Variants in INTS8 observed in about 807,000 individuals in gnomAD.
INTS8 encodes integrator complex subunit 8, also known as protein kaonashi-1.
INTS8 carries 47 observed loss-of-function variants against 138.9 expected under a neutral mutation model. The ratio of observed to expected loss-of-function variants is 0.34; its 90% CI spans 0.27 to 0.43. INTS8 has a LOEUF of 0.43. Among genes scored for constraint, INTS8 ranks in the 20% least tolerant of loss-of-function variants. The probability of loss-of-function intolerance (pLI) is 1.00; values close to 1 mark genes in which losing one functional copy is unlikely to be tolerated. For missense variants in INTS8, 996 were observed against 1,173.0 expected, an observed-to-expected ratio of 0.85 and a Z score of 2.20; for synonymous variants, 392 against 400.9, an observed-to-expected ratio of 0.98 and a Z score of 0.27.
chr8:94,835,760 T>C (rs1586475959), intron 6 of INTS8, among the ~76,000 whole-genome samples: 1 of 152,202 alleles, frequency 6.6e-6, no homozygotes, highest in South Asian at 2.1e-4. Context: ...CCACTACGCC[T>C]AGCTAATTTT....
chr8:94,878,585 T>C (rs1816654629), intron 26 of INTS8, among the ~76,000 whole-genome samples: 1 of 152,214 alleles, frequency 6.6e-6, no homozygotes, highest in South Asian at 2.1e-4. Context: ...TCAATAACCT[T>C]CTAATGAATT....
At chr8:94,877,454 C>T (rs1816603587) in intron 26 of INTS8, among the ~76,000 whole-genome samples, 2 of 152,296 alleles carry the variant, frequency 1.3e-5, no homozygotes, top group South Asian at 2.1e-4. Flanking sequence ...ATTCATTCTC[C>T]CTTTTCTAAT....
At chr8:94,866,916 C>T (rs960207365) in intron 18 of INTS8, 3 of 467,352 alleles carry the variant, frequency 6.4e-6, no homozygotes, top group African/African-American at 6.0e-5. Flanking sequence ...ATAAGCCAAA[C>T]ATTTATGCTA....
rs186567689 is a variant in INTS8, at chr8:94,854,382, C to T, written c.1752+467C>T. ...TTTTTGCTTTACCGTTATAATTATA[C>T]TAAAATGGTCTTGATCAAATGAATA... On this transcript the variant is annotated intron_variant, in intron 14 of 26. Coordinates refer to ENST00000523731, the MANE Select transcript of INTS8 (RefSeq NM_017864.4). 1.4e-4 allele frequency among the ~76,000 whole-genome samples: 22 copies of T among 152,202 alleles called. No homozygotes were observed. In the East Asian group the frequency reaches 4.2e-3, roughly 29 times the overall value.
At chr8:94,852,974 G>A (rs1815606395) in intron 13 of INTS8, among the ~76,000 whole-genome samples, 1 of 152,064 alleles carries the variant, frequency 6.6e-6, no homozygotes, top group African/African-American at 2.4e-5. Context: ...CTAAAAATTA[G>A]TTGGGCTTTT....
At chr8:94,838,292 C>A (rs111421635) in intron 7 of INTS8, among the ~76,000 whole-genome samples, 171 bp from the exon 8 acceptor site, 1 of 152,102 alleles carries the variant, frequency 6.6e-6, no homozygotes, top group Non-Finnish European at 1.5e-5. Context: ...CCTTGTGATC[C>A]GCCAGTCTCG....
intron 16 of INTS8, among the ~76,000 whole-genome samples, chr8:94,863,973 G>A (rs1477132279): frequency 6.6e-6 from 1 of 152,126 alleles, no homozygotes; most frequent in African/African-American, 2.4e-5. Context: ...CAGTACTCTT[G>A]TTAATTTTCT....
At chr8:94,840,343 G>A (rs1815087457) in intron 8 of INTS8, among the ~76,000 whole-genome samples, 16 of 152,048 alleles carry the variant, frequency 1.1e-4, no homozygotes, top group Admixed American at 1.0e-3. Flanking sequence ...TTCTGGTAGT[G>A]GCTGATTAGT....
chr8:94,874,700 T>C, intron 23 of INTS8, 98 bp downstream of exon 23: 1 of 701,278 alleles, frequency 1.4e-6, no homozygotes. Flanking sequence ...TTATTTTCCA[T>C]ATCAAAATCA....
intron 1 of INTS8, among the ~76,000 whole-genome samples, chr8:94,824,631 TTGCTTTCTTC>T (rs1814413032): frequency 6.6e-6 from 1 of 151,996 alleles, no homozygotes; most frequent in Non-Finnish European, 1.5e-5. Flanking sequence ...GTGCTTTTTT[TTGCTTTCTTC>T]CACTCTAATC....
chr8:94,842,630 G>A, intron 10 of INTS8, 142 bp downstream of exon 10: 3 of 596,826 alleles, frequency 5.0e-6, no homozygotes, highest in Non-Finnish European at 8.7e-6. Context: ...GACAGACTAT[G>A]CCCTTCCGCC....
At chr8:94,851,373 T>C (rs1335434426) in intron 12 of INTS8, among the ~76,000 whole-genome samples, 180 bp from the exon 13 acceptor site, 1 of 152,206 alleles carries the variant, frequency 6.6e-6, no homozygotes, top group Non-Finnish European at 1.5e-5. Flanking sequence ...TAAAATTTTG[T>C]TAGGTTTTCT....
chr8:94,834,662 C>G (rs1300696406), intron 6 of INTS8, among the ~76,000 whole-genome samples: 1 of 150,320 alleles, frequency 6.7e-6, no homozygotes, highest in Non-Finnish European at 1.5e-5. Context: ...GAGATCACCC[C>G]ATTGCATTCC....
At chr8:94,863,163 G>A (rs113966186) in intron 16 of INTS8, among the ~76,000 whole-genome samples, 118 of 152,276 alleles carry the variant, frequency 7.7e-4, no homozygotes, top group African/African-American at 2.6e-3. Context: ...AGGTAGTAGT[G>A]GGGGGTTGGC....
intron 15 of INTS8, among the ~76,000 whole-genome samples, chr8:94,857,764 TC>T (rs1815807424): frequency 6.6e-6 from 1 of 152,238 alleles, no homozygotes; most frequent in Admixed American, 6.5e-5. Flanking sequence ...GGATCTAAGT[TC>T]TGCCCTAATC....
chr8:94,835,630 C>T (rs866838772), intron 6 of INTS8, among the ~76,000 whole-genome samples: 5 of 151,036 alleles, frequency 3.3e-5, no homozygotes, highest in East Asian at 1.9e-4. Context: ...GACAGAGTCT[C>T]GCCCTGTCGC....
rs764042466 is a variant in INTS8 at position 94,841,486 on chromosome 8, T to C, written c.1018-5T>C. On this transcript the variant is annotated splice_region_variant and splice_polypyrimidine_tract_variant and intron_variant, in intron 8 of 26. Coordinates refer to ENST00000523731, the MANE Select transcript of INTS8 (RefSeq NM_017864.4). The stretch of plus-strand genomic sequence containing the variant: ...AATGGGTGCAACTTTATGTGTGTGT[T>C]CTAGGAGGTAATACAGATTTTCATT... 10 of 1,519,324 alleles carry C rather than the reference T, an allele frequency of 6.6e-6. No homozygotes were observed. The Admixed American group carries it at 1.6e-4, about 24-fold the overall frequency. The allele number at this position is 1,519,324 out of a possible 1,614,324, so 94.1% of individuals were successfully genotyped here. A position where few individuals can be genotyped will look rare whatever the true frequency, so the allele number is the denominator to read the frequency against.
At chr8:94,830,642 C>T (rs1457450563) in intron 5 of INTS8, among the ~76,000 whole-genome samples, 1 of 152,122 alleles carries the variant, frequency 6.6e-6, no homozygotes, top group African/African-American at 2.4e-5. Context: ...GGACTACAGA[C>T]ATGTGCCACC....
At chr8:94,848,041 C>G (rs1297355294) in intron 10 of INTS8, among the ~76,000 whole-genome samples, 1 of 104,438 alleles carries the variant, frequency 9.6e-6, no homozygotes, top group African/African-American at 3.9e-5. Context: ...TGGAGTCTCT[C>G]TCTGTTTCCC....
Sources: allele counts gnomAD v4.1 joint callset (sites outside exome capture counted in the v4.1 genomes callset), GRCh38; gene constraint gnomAD v4.1.1; transcripts MANE v1.5; gene names NCBI Gene and HGNC (gene_info 2026-07-23, HGNC 2026-07-21).